ITGA9: variants seen among roughly 807,000 people sequenced by gnomAD.
The protein encoded by ITGA9 is integrin subunit alpha 9.
Under a neutral mutation model 127.8 loss-of-function variants are expected in ITGA9, and 56 were observed. That is an observed-to-expected ratio of 0.44 (90% confidence interval 0.35 to 0.55). The LOEUF is 0.55. ITGA9 is among the 20% of genes least tolerant of loss of function. ITGA9 has a pLI of 0.00. For missense variants in ITGA9, 1,196 were observed against 1,347.1 expected, an observed-to-expected ratio of 0.89 and a Z score of 1.76; for synonymous variants, 508 against 514.5, an observed-to-expected ratio of 0.99 and a Z score of 0.17.
At chr3:37,601,803 A>C (rs777839481) in intron 15 of ITGA9, among the ~76,000 whole-genome samples, 1 of 152,128 alleles carries the variant, frequency 6.6e-6, no homozygotes, top group African/African-American at 2.4e-5. Flanking sequence ...GGAGTACCTG[A>C]GGCTGGGTAA....
At chr3:37,564,344 C>G (rs186058323) in intron 15 of ITGA9, among the ~76,000 whole-genome samples, 1 of 152,282 alleles carries the variant, frequency 6.6e-6, no homozygotes, top group African/African-American at 2.4e-5. Flanking sequence ...TCCTTCTCAT[C>G]GATAAGACCT....
intron 15 of ITGA9, among the ~76,000 whole-genome samples, chr3:37,623,603 A>T (rs1053906932): frequency 6.6e-5 from 10 of 151,668 alleles, no homozygotes; most frequent in African/African-American, 1.9e-4. Context: ...TATATTTTTA[A>T]TTTTTTTAAA....
At chr3:37,653,869 T>C (rs1700452010) in intron 17 of ITGA9, 79 bp downstream of exon 17, 1 of 1,000,882 alleles carries the variant, frequency 1.0e-6, no homozygotes. Flanking sequence ...AATGTGCAGA[T>C]TTCCCCACTG....
intron 15 of ITGA9, among the ~76,000 whole-genome samples, chr3:37,587,967 C>T (rs1699775124): frequency 6.6e-6 from 1 of 152,184 alleles, no homozygotes; most frequent in African/African-American, 2.4e-5. Context: ...GCTGGAACAG[C>T]CCTCATTTGT....
intron 27 of ITGA9, among the ~76,000 whole-genome samples, chr3:37,810,214 T>A (rs1213552206): frequency 1.3e-5 from 2 of 152,154 alleles, no homozygotes; most frequent in Non-Finnish European, 1.5e-5. Flanking sequence ...TGCATAAACG[T>A]GAATCGTGAC....
chr3:37,766,167 C>G (rs2125544972), intron 23 of ITGA9, among the ~76,000 whole-genome samples: 1 of 152,344 alleles, frequency 6.6e-6, no homozygotes, highest in Non-Finnish European at 1.5e-5. Context: ...TTTAACCTGC[C>G]AAGGACTAAT....
chr3:37,591,603 G>A (rs1194490411), intron 15 of ITGA9, among the ~76,000 whole-genome samples: 1 of 152,202 alleles, frequency 6.6e-6, no homozygotes, highest in African/African-American at 2.4e-5. Context: ...CTCCTCAGCT[G>A]TAGACCTCGG....
intron 24 of ITGA9, among the ~76,000 whole-genome samples, chr3:37,779,471 C>T (rs190030883): frequency 6.6e-6 from 1 of 152,278 alleles, no homozygotes; most frequent in Admixed American, 6.5e-5. Flanking sequence ...TCTTAGCCCT[C>T]TTATTCACCT....
At chr3:37,744,531 G>A (rs555085894) in intron 22 of ITGA9, among the ~76,000 whole-genome samples, 2 of 152,332 alleles carry the variant, frequency 1.3e-5, no homozygotes, top group South Asian at 2.1e-4. Context: ...GAGCCCCCAC[G>A]GGAGGCACGC....
At chr3:37,655,395 G>A (rs1156388397) in intron 17 of ITGA9, among the ~76,000 whole-genome samples, 1 of 152,128 alleles carries the variant, frequency 6.6e-6, no homozygotes. Context: ...ATTCTAACTG[G>A]CGTGACATGG....
intron 26 of ITGA9, among the ~76,000 whole-genome samples, chr3:37,794,198 T>C (rs1575240970): frequency 6.6e-6 from 1 of 152,212 alleles, no homozygotes; most frequent in African/African-American, 2.4e-5. Flanking sequence ...ACTTCCATCT[T>C]CTTTGGAACA....
chr3:37,503,399 A>G, intron 6 of ITGA9, 92 bp downstream of exon 6: 1 of 1,467,834 alleles, frequency 6.8e-7, no homozygotes, highest in Non-Finnish European at 9.4e-7. Context: ...TGGAAAGAGG[A>G]GTTAGTTGGC....
Position 37,821,902 on chromosome 3 carries a change from G to A in ITGA9, c.*2913G>A, listed in dbSNP as rs571629760. On this transcript the variant is annotated 3_prime_UTR_variant, in exon 28 of 28. Transcript: ENST00000264741. ...GGATGATGCCTCTGCTGGTCTGATC[G>A]TGCTGAGTAGCAGGTGGGCTACGGG... 1.3e-4 allele frequency: 20 copies of A among 152,162 alleles called. No individual in the cohort carries two copies. In the South Asian group the frequency reaches 3.5e-3, roughly 27 times the overall value. 9.4% of individuals were successfully genotyped at this position (152,162 alleles called of 1,614,324 possible).
chr3:37,706,470 G>A (rs1011314635), intron 18 of ITGA9, among the ~76,000 whole-genome samples: 2 of 152,306 alleles, frequency 1.3e-5, no homozygotes, highest in Middle Eastern at 3.4e-3. Context: ...AAGAAAGAAG[G>A]AAGAAAAGGA....
At chr3:37,685,677 T>A (rs1700776209) in intron 18 of ITGA9, among the ~76,000 whole-genome samples, 1 of 152,214 alleles carries the variant, frequency 6.6e-6, no homozygotes, top group Non-Finnish European at 1.5e-5. Context: ...CAGATTTCTC[T>A]CACTCAGGAC....
rs74707445 is a variant in ITGA9, at chr3:37,686,670, T to C, written c.2067+2655T>C. On this transcript the variant is annotated intron_variant, in intron 18 of 27. Coordinates refer to ENST00000264741, the MANE Select transcript of ITGA9 (RefSeq NM_002207.3). ...AGTTCGACAGAAACTTGACAAAGCA[T>C]CAGGCTCTTCGGGACGTGGTGAGTG... is the stretch of plus-strand genomic sequence containing the variant. 5.9e-5 allele frequency among the ~76,000 whole-genome samples: 9 copies of C among 152,108 alleles called. No homozygotes were observed. The East Asian group carries it at 1.7e-3, about 29-fold the overall frequency.
rs1575214186 is a variant in ITGA9 at position 37,736,987 on chromosome 3, A to G, written c.2234+4A>G. On this transcript the variant is annotated splice_donor_region_variant and intron_variant, in intron 20 of 27. Coordinates refer to ENST00000264741, the MANE Select transcript of ITGA9 (RefSeq NM_002207.3). ...GCTTCATTGTTACTGCTCAGAGGTA[A>G]GGGGGGGGTTTAAACACTTTTTTCA... 6.3e-7 allele frequency: 1 copy of G among 1,585,104 alleles called. No homozygotes were observed. The highest frequency in any genetic ancestry group is 8.7e-7 in the Non-Finnish European group (1 of 1,154,036).
chr3:37,513,858 C>T lies in ITGA9; in HGVS notation c.993C>T (p.Ile331=). 1 of 1,613,720 alleles carries T rather than the reference C, an allele frequency of 6.2e-7. No individual in the cohort carries two copies. Among genetic ancestry groups the T allele is most frequent in the African/African-American group, 1.3e-5 (1 of 74,986 alleles). ...TGGGGGCCCCCATGTTTTCTGAGAT[C>T]AGGGATGAGGGACAGGTCACTGTCT... ...LLVGAPMFSE[I]RDEGQVTVYI... The change falls in exon 9 of 28, where the codon ATC becomes ATT. Residue 331 remains isoleucine, a synonymous_variant. Transcript: ENST00000264741.
chr3:37,736,927 T>C lies in ITGA9; in HGVS notation c.2178T>C (p.Asp726=), dbSNP rs201518808. ...KSKYEFSVIF[D]TSHLSGEEEV... ...AGTATGAATTCAGCGTGATCTTTGATACAAGCCACCTGTCTGGGGAAGAGG... is the reference window on the plus strand; with the variant it reads ...AGTATGAATTCAGCGTGATCTTTGACACAAGCCACCTGTCTGGGGAAGAGG... Residue 726 remains aspartate (D), a synonymous_variant, in exon 20 of 28, where the codon GAT becomes GAC. Coordinates refer to ENST00000264741, the MANE Select transcript of ITGA9 (RefSeq NM_002207.3). 6.8e-6 allele frequency: 11 copies of C among 1,613,706 alleles called. No homozygotes were observed. In the East Asian group the frequency reaches 2.5e-4, roughly 36 times the overall value.
Sources: gnomAD v4.1 joint callset for allele counts (sites outside exome capture counted in the v4.1 genomes callset) on GRCh38, gnomAD v4.1.1 for gene constraint, MANE v1.5 for transcripts, NCBI Gene and HGNC (gene_info 2026-07-23, HGNC 2026-07-21) for gene names.